MAGI1: variants seen among roughly 807,000 people sequenced by gnomAD.
MAGI1 encodes the protein membrane-associated guanylate kinase, WW and PDZ domain-containing protein 1.
In MAGI1, 58 loss-of-function variants were observed where a neutral mutation model predicts 139.9. That is an observed-to-expected ratio of 0.41 (90% CI 0.34 to 0.52). MAGI1 has a LOEUF of 0.52. Among genes scored for constraint, MAGI1 ranks in the 20% least tolerant of loss-of-function variants. The pLI, the probability that MAGI1 is intolerant of heterozygous loss-of-function variation, is 0.12. For missense variants in MAGI1, 1,874 were observed against 1,901.6 expected (o/e 0.99, Z 0.27); for synonymous variants, 812 against 737.9 (o/e 1.10, Z -1.63).
chr3:65,516,894 AT>A (rs370027040), intron 2 of MAGI1, among the ~76,000 whole-genome samples: 89,548 of 146,100 alleles, frequency 0.61, 27,896 homozygotes, highest in East Asian at 0.94. Flanking sequence ...CGCCCGGCTA[AT>A]TTTTTTGTAT....
At chr3:65,646,085 C>G (rs2085243569) in intron 1 of MAGI1, among the ~76,000 whole-genome samples, 1 of 151,812 alleles carries the variant, frequency 6.6e-6, no homozygotes, top group Non-Finnish European at 1.5e-5. Flanking sequence ...ATCACCTAAA[C>G]ACACCAATTA....
At chr3:65,954,601 G>A (rs971106671) in intron 1 of MAGI1, 1 of 152,574 alleles carries the variant, frequency 6.6e-6, no homozygotes, top group Non-Finnish European at 1.5e-5. Flanking sequence ...GAGAGAAGGA[G>A]GAGGGGCGGG....
chr3:65,448,383 C>T, intron 6 of MAGI1: 2 of 461,198 alleles, frequency 4.3e-6, no homozygotes, highest in Non-Finnish European at 7.9e-6. Context: ...TATTACAGAC[C>T]TTATTGGGAG....
chr3:65,357,064 C>T lies in MAGI1; in HGVS notation c.3703G>A (p.Asp1235Asn). 2 of 1,614,164 alleles carry T rather than the reference C, an allele frequency of 1.2e-6. No individual in the cohort carries two copies. The highest frequency in any genetic ancestry group is 2.2e-5 in the East Asian group (1 of 44,846). Reference protein sequence around the residue: ...QGVPEVRAGPDRRQHPSLESS... With the variant: ...QGVPEVRAGPNRRQHPSLESS... ...TCCAATGACGGATGCTGCCGGCGGT[C>T]GGGCCCGGCCCTCACTTCCGGAACA... The change falls in exon 23 of 23, where the codon GAC (aspartate) becomes AAC (asparagine). Residue 1235 changes from aspartate to asparagine, a missense_variant. Asp to Asn is a conservative substitution (Grantham distance 23, BLOSUM62 1). Transcript: ENST00000402939.
intron 1 of MAGI1, among the ~76,000 whole-genome samples, chr3:65,939,846 T>C (rs1019406260): frequency 6.6e-6 from 1 of 152,148 alleles, no homozygotes; most frequent in African/African-American, 2.4e-5. Flanking sequence ...AATAAGCACA[T>C]TGTGGCCAGC....
intron 1 of MAGI1, among the ~76,000 whole-genome samples, chr3:65,804,919 CTTATACA>C: frequency 6.6e-6 from 1 of 152,108 alleles, no homozygotes; most frequent in Non-Finnish European, 1.5e-5. Context: ...TTCCTTACAC[CTTATACA>C]AAAATTAACT....
chr3:65,630,670 A>C (rs1377539422), intron 1 of MAGI1, among the ~76,000 whole-genome samples: 1 of 152,210 alleles, frequency 6.6e-6, no homozygotes, highest in Admixed American at 6.5e-5. Context: ...GAGGACAAAA[A>C]GACATACAGA....
intron 1 of MAGI1, among the ~76,000 whole-genome samples, chr3:65,707,617 G>A (rs963921730): frequency 1.7e-5 from 2 of 120,910 alleles, no homozygotes; most frequent in Non-Finnish European, 3.7e-5. Context: ...TTAAACCTGA[G>A]AGGTTGAAGC....
At chr3:65,742,203 G>A (rs1576966825) in intron 1 of MAGI1, among the ~76,000 whole-genome samples, 1 of 152,150 alleles carries the variant, frequency 6.6e-6, no homozygotes, top group Non-Finnish European at 1.5e-5. Context: ...AAAAACAACA[G>A]CAACAGCAGG....
In MAGI1 at chr3:65,425,135, A is replaced by AAC. The variant is rs1553642524; in HGVS notation, c.2167+4384_2167+4385insGT. On this transcript the variant is annotated intron_variant, in intron 12 of 22. Transcript: ENST00000402939. ...AAAAAAAAAAAAAAAAAAAAAAACA[A>AAC]AAAAAAACACACATGCCTAAACATC... Among the ~76,000 whole-genome samples the AAC allele has an allele frequency of 1.2e-3, 107 of 87,738 alleles. 1 individual carries two copies. The highest frequency in any genetic ancestry group is 1.7e-3 in the African/African-American group (41 of 24,028). The allele number at this position is 87,738 out of a possible 152,430, so 57.6% of individuals were successfully genotyped here.
At chr3:65,472,175 A>T (rs1950593767) in intron 4 of MAGI1, among the ~76,000 whole-genome samples, 1 of 152,150 alleles carries the variant, frequency 6.6e-6, no homozygotes, top group African/African-American at 2.4e-5. Flanking sequence ...TAGAAGAAAA[A>T]TTTAGAAATT....
intron 12 of MAGI1, among the ~76,000 whole-genome samples, chr3:65,420,555 G>A (rs1326773681): frequency 6.6e-6 from 1 of 152,136 alleles, no homozygotes; most frequent in African/African-American, 2.4e-5. Context: ...ATTTGCAGAT[G>A]ACGCTGCTCT....
At chr3:65,614,700 T>C (rs1382249604) in intron 2 of MAGI1, among the ~76,000 whole-genome samples, 1 of 152,090 alleles carries the variant, frequency 6.6e-6, no homozygotes, top group African/African-American at 2.4e-5. Flanking sequence ...CCAAACAATA[T>C]TTGTAAAGTA....
At chr3:65,865,127 T>A (rs1483264190) in intron 1 of MAGI1, among the ~76,000 whole-genome samples, 1 of 151,984 alleles carries the variant, frequency 6.6e-6, no homozygotes, top group Non-Finnish European at 1.5e-5. Context: ...ACAGAGAGGG[T>A]CTATATAACA....
At chr3:65,431,774 T>C (rs939848154) in intron 10 of MAGI1, among the ~76,000 whole-genome samples, 1 of 151,656 alleles carries the variant, frequency 6.6e-6, no homozygotes, top group African/African-American at 2.4e-5. Context: ...AGCACTGAGG[T>C]CAGGAGTTCA....
intron 1 of MAGI1, among the ~76,000 whole-genome samples, chr3:65,983,988 G>A (rs944718874): frequency 9.2e-5 from 14 of 152,140 alleles, no homozygotes. Context: ...TAGTAATTGA[G>A]TGCCTTCTTA....
At chr3:65,814,904 A>G (rs2108219206) in intron 1 of MAGI1, among the ~76,000 whole-genome samples, 1 of 152,360 alleles carries the variant, frequency 6.6e-6, no homozygotes, top group East Asian at 1.9e-4. Context: ...ATGAAAACAT[A>G]CTTTTTGAAA....
intron 1 of MAGI1, among the ~76,000 whole-genome samples, chr3:65,630,975 C>T (rs55771514): frequency 0.68 from 102,941 of 152,154 alleles, 35,262 homozygotes; most frequent in East Asian, 0.98. Flanking sequence ...AGGATTTGAG[C>T]CATGGAGGTA....
chr3:65,435,576 T>A (rs1252723249), intron 10 of MAGI1, among the ~76,000 whole-genome samples: 1 of 152,132 alleles, frequency 6.6e-6, no homozygotes, highest in African/African-American at 2.4e-5. Context: ...ATGCCTAGTT[T>A]GGGATTATCT....
Sources: allele counts gnomAD v4.1 joint callset (sites outside exome capture counted in the v4.1 genomes callset), GRCh38; gene constraint gnomAD v4.1.1; transcripts MANE v1.5; gene names NCBI Gene and HGNC (gene_info 2026-07-23, HGNC 2026-07-21).